Variants in TAF4B observed in about 807,000 individuals in gnomAD.
TAF4B encodes TATA-box binding protein associated factor 4b.
TAF4B carries 38 observed loss-of-function variants against 86.4 expected under a neutral mutation model. The observed-to-expected ratio is 0.44, with a 90% CI of 0.34 to 0.58. TAF4B has a LOEUF of 0.58. Ranked by LOEUF, TAF4B falls within the 20% of genes least tolerant of loss-of-function variation. The pLI, the probability that TAF4B is intolerant of heterozygous loss-of-function variation, is 0.02. For synonymous variants in TAF4B, 388 were observed against 391.2 expected, an observed-to-expected ratio of 0.99 and a Z score of 0.10; for missense variants, 988 against 1,027.6, an observed-to-expected ratio of 0.96 and a Z score of 0.53.
At chr18:26,254,911 TTAA>T (rs1437301737) in intron 1 of TAF4B, among the ~76,000 whole-genome samples, 5 of 152,202 alleles carry the variant, frequency 3.3e-5, no homozygotes, top group African/African-American at 1.2e-4. Flanking sequence ...TCTGTCCTGC[TTAA>T]TAATCAGTAG....
At chr18:26,339,324 G>T (rs77592101) in intron 13 of TAF4B, among the ~76,000 whole-genome samples, 2,198 of 151,694 alleles carry the variant, frequency 0.014, 40 homozygotes, top group African/African-American at 0.051. Context: ...GTTTTAGTTG[G>T]TTTTTTTTGT....
chr18:26,303,268 T>C (rs2056759061), intron 9 of TAF4B, among the ~76,000 whole-genome samples: 1 of 134,830 alleles, frequency 7.4e-6, no homozygotes. Flanking sequence ...TCATCCTCCC[T>C]CCGCTTTCAT....
chr18:26,361,045 C>T (rs1205256053), intron 14 of TAF4B, among the ~76,000 whole-genome samples: 4 of 152,040 alleles, frequency 2.6e-5, no homozygotes, highest in Admixed American at 1.3e-4. Context: ...CAATATAGTT[C>T]TATTTATGAC....
At chr18:26,255,263 G>A (rs191585615) in intron 1 of TAF4B, among the ~76,000 whole-genome samples, 108 of 152,104 alleles carry the variant, frequency 7.1e-4, no homozygotes, top group African/African-American at 2.5e-3. Flanking sequence ...TAAATATTAT[G>A]TACAACTCTT....
At position 26,274,798 on chromosome 18, in the gene TAF4B, G is replaced by A; in HGVS notation, c.733G>A (p.Ala245Thr). 6 of 1,614,178 alleles carry A rather than the reference G, an allele frequency of 3.7e-6. No homozygotes were observed. The highest frequency in any genetic ancestry group is 4.2e-6 in the Non-Finnish European group (5 of 1,180,028). Residue 245 changes from alanine (A) to threonine (T), a missense_variant, in exon 4 of 15, where the codon GCA becomes ACA. Ala to Thr is a moderately conservative substitution (Grantham distance 58, BLOSUM62 0). This residue lies in a region of TAF4B where 747 missense variants were observed against 737.9 expected (regional missense o/e 1.01). Coordinates refer to ENST00000269142, the MANE Select transcript of TAF4B (RefSeq NM_005640.3). ...GCCCAATCTTAAAGCAGAGAACTCA[G>A]CAGCTGTTCAGATTAATCTTTCTCC... ...NEPNLKAENS[A>T]AVQINLSPTM...
intron 1 of TAF4B, among the ~76,000 whole-genome samples, chr18:26,262,530 A>G (rs919265686): frequency 7.3e-5 from 11 of 149,992 alleles, no homozygotes; most frequent in Admixed American, 1.3e-4. Context: ...GCTGGAGTGC[A>G]GTGACGCGAT....
intron 9 of TAF4B, among the ~76,000 whole-genome samples, chr18:26,311,008 T>C (rs1167838641): frequency 6.6e-6 from 1 of 152,170 alleles, no homozygotes; most frequent in African/African-American, 2.4e-5. Flanking sequence ...CATCAGTACA[T>C]ATTCACTGTG....
At chr18:26,344,182 G>A (rs997595055) in intron 13 of TAF4B, among the ~76,000 whole-genome samples, 9 of 151,992 alleles carry the variant, frequency 5.9e-5, no homozygotes, top group Admixed American at 3.3e-4. Context: ...GAAATGACAA[G>A]AGTCAGTTAA....
intron 1 of TAF4B, among the ~76,000 whole-genome samples, chr18:26,233,339 C>T (rs566388755): frequency 6.6e-6 from 1 of 152,320 alleles, no homozygotes; most frequent in East Asian, 1.9e-4. Context: ...AAGGCATTCA[C>T]TAGCGGTGGG....
At chr18:26,358,833 CT>C (rs916891503) in intron 14 of TAF4B, among the ~76,000 whole-genome samples, 2 of 152,196 alleles carry the variant, frequency 1.3e-5, no homozygotes, top group African/African-American at 4.8e-5. Flanking sequence ...CATAGCTCAT[CT>C]TATACTTCTC....
intron 10 of TAF4B, among the ~76,000 whole-genome samples, chr18:26,319,643 G>A (rs960068657): frequency 4.6e-5 from 7 of 151,826 alleles, no homozygotes; most frequent in Admixed American, 3.3e-4. Flanking sequence ...AGGCTGGAGC[G>A]CAATGGTGCG....
At chr18:26,245,043 T>G (rs1056258267) in intron 1 of TAF4B, among the ~76,000 whole-genome samples, 6 of 151,398 alleles carry the variant, frequency 4.0e-5, no homozygotes, top group Admixed American at 2.0e-4. Context: ...AAACCAACGC[T>G]CCGAACTCCA....
chr18:26,246,850 TTTTCTTTTTTG>T (rs1353276661), intron 1 of TAF4B, among the ~76,000 whole-genome samples: 2 of 151,576 alleles, frequency 1.3e-5, no homozygotes, highest in African/African-American at 4.9e-5. Flanking sequence ...ATTCTTTTTT[TTTTCTTTTTTG>T]TTTTCTGAGA....
chr18:26,313,392 A>C lies in TAF4B; in HGVS notation c.1833-1837A>C, dbSNP rs536099662. 1.2e-4 allele frequency among the ~76,000 whole-genome samples: 19 copies of C among 152,288 alleles called. No homozygotes were observed. In the South Asian group the frequency reaches 3.9e-3, roughly 32 times the overall value. On this transcript the variant is annotated intron_variant, in intron 9 of 14. Transcript: ENST00000269142. ...TAATGCTTTCGATGTTTAAATGTTT[A>C]GATGTTTAAATCTGGACACATTGAT...
intron 1 of TAF4B, among the ~76,000 whole-genome samples, chr18:26,233,075 G>A (rs950126020): frequency 1.3e-5 from 2 of 152,174 alleles, no homozygotes; most frequent in African/African-American, 4.8e-5. Flanking sequence ...GATATAGGTT[G>A]AAGTTCCACA....
At chr18:26,333,381 C>T (rs2057066705) in intron 12 of TAF4B, among the ~76,000 whole-genome samples, 1 of 149,636 alleles carries the variant, frequency 6.7e-6, no homozygotes, top group South Asian at 2.1e-4. Context: ...CCACCATGCC[C>T]AAATTAAATT....
chr18:26,273,063 G>A (rs1349977039), intron 3 of TAF4B, among the ~76,000 whole-genome samples: 1 of 152,026 alleles, frequency 6.6e-6, no homozygotes, highest in Admixed American at 6.6e-5. Flanking sequence ...ATTCAATATT[G>A]AAATATGTTA....
intron 10 of TAF4B, among the ~76,000 whole-genome samples, chr18:26,317,680 G>A (rs773487179): frequency 6.6e-6 from 1 of 152,178 alleles, no homozygotes; most frequent in African/African-American, 2.4e-5. Flanking sequence ...GTGCCAGCAC[G>A]GTCAGATTCT....
intron 5 of TAF4B, among the ~76,000 whole-genome samples, chr18:26,277,857 C>T (rs2056401308): frequency 2.0e-5 from 3 of 152,186 alleles, no homozygotes; most frequent in Admixed American, 2.0e-4. Context: ...ATAACATGCT[C>T]ATTAAATTCA....
Sources: allele counts gnomAD v4.1 joint callset (sites outside exome capture counted in the v4.1 genomes callset), GRCh38; gene constraint gnomAD v4.1.1; regional missense constraint gnomAD v4.1.1; transcripts MANE v1.5; gene names NCBI Gene and HGNC (gene_info 2026-07-23, HGNC 2026-07-21).